The following CCDC40 variants were observed in gnomAD, a reference collection of about 807,000 sequenced individuals.
The protein encoded by CCDC40 is coiled-coil domain 40 molecular ruler complex subunit, also known as coiled-coil domain-containing protein 40.
In CCDC40, 104 loss-of-function variants were observed where a neutral mutation model predicts 124.5. That is an observed-to-expected ratio of 0.84 (90% CI 0.71 to 0.98). The LOEUF (loss-of-function observed/expected upper bound fraction) is 0.98. Among genes scored for constraint, CCDC40 ranks in the 50% least tolerant of loss-of-function variants. The pLI is 0.00. For missense variants in CCDC40, 1,463 were observed against 1,503.9 expected, an observed-to-expected ratio of 0.97 and a Z score of 0.45; for synonymous variants, 580 against 602.9, an observed-to-expected ratio of 0.96 and a Z score of 0.56.
Position 80,066,528 on chromosome 17 carries a change from C to T in CCDC40, c.1562+922C>T, listed in dbSNP as rs770073354. 9 of 208,356 alleles carry T rather than the reference C, an allele frequency of 4.3e-5. No homozygotes were observed. The South Asian group carries it at 4.9e-4, about 11-fold the overall frequency. 12.9% of individuals were successfully genotyped at this position (208,356 alleles called of 1,614,324 possible). On this transcript the variant is annotated intron_variant, in intron 10 of 19. Coordinates refer to ENST00000397545, the MANE Select transcript of CCDC40 (RefSeq NM_017950.4). This position sits in a 1 kb window ranked among gnomAD's most constrained non-coding sequence, Gnocchi z 4.4. ...ATCCCAACATTTTGGGAGGCTGAGA[C>T]GGGTGGGTCACGAGGCCAGGAGTTC...
chr17:80,069,050 T>C (rs1231807615), intron 10 of CCDC40, among the ~76,000 whole-genome samples: 1 of 152,216 alleles, frequency 6.6e-6, no homozygotes, highest in African/African-American at 2.4e-5. Flanking sequence ...CCTTGGCTGC[T>C]TTCTCCATTC....
At position 80,066,078 on chromosome 17, in the gene CCDC40, GGC is replaced by G; in HGVS notation, c.1562+473_1562+474del. On this transcript the variant is annotated intron_variant, in intron 10 of 19. Transcript: ENST00000397545. This position sits in a 1 kb window ranked among gnomAD's most constrained non-coding sequence, Gnocchi z 4.4. ...TTCTGGGGATGGATGCGTGGCTCAG[GGC>G]AGGGCGTTGGAGACACAGGTGCTGC... 1.4e-6 allele frequency: 1 copy of G among 702,950 alleles called. No homozygotes were observed. 43.5% of individuals were successfully genotyped at this position (702,950 alleles called of 1,614,324 possible).
chr17:80,044,716 A>AAAT (rs1555890577), intron 3 of CCDC40, among the ~76,000 whole-genome samples: 1 of 131,756 alleles, frequency 7.6e-6, no homozygotes, highest in Admixed American at 7.1e-5. Context: ...CAAAAAAAAA[A>AAAT]ATATATATAT....
rs1416900230 is a variant in CCDC40, at chr17:80,039,990, G to A, written c.272G>A (p.Ser91Asn). The A allele has an allele frequency of 6.2e-7, 1 of 1,614,152 alleles. No individual in the cohort carries two copies. The change falls in exon 3 of 20, where the codon AGC (serine) becomes AAC (asparagine). Residue 91 changes from serine (S) to asparagine (N), a missense_variant. Coordinates refer to ENST00000397545, the MANE Select transcript of CCDC40 (RefSeq NM_017950.4). ...GCTGTGTCCTATGGAGATGCTGAAA[G>A]CGAAGAGGAATATTACTATACAGAA... is the stretch of plus-strand genomic sequence containing the variant. ...EEAVSYGDAE[S>N]EEEYYYTETS... is the part of the protein sequence containing the mutation.
At chr17:80,039,622 G>A (rs2037220971) in intron 2 of CCDC40, among the ~76,000 whole-genome samples, 190 bp from the exon 3 acceptor site, 1 of 151,942 alleles carries the variant, frequency 6.6e-6, no homozygotes, top group Non-Finnish European at 1.5e-5. Context: ...ATGTTGGTCA[G>A]GATGGTCTCA....
At chr17:80,075,979 G>A (rs919191904) in intron 10 of CCDC40, among the ~76,000 whole-genome samples, 14 of 152,310 alleles carry the variant, frequency 9.2e-5, no homozygotes, top group African/African-American at 2.9e-4. Flanking sequence ...GTGTTCATAT[G>A]ATCAAACTTT....
chr17:80,095,594 G>A (rs1042216430), intron 18 of CCDC40, 143 bp downstream of exon 18: 3 of 759,876 alleles, frequency 3.9e-6, no homozygotes, highest in Non-Finnish European at 6.5e-6. Flanking sequence ...ACCTGCTGCT[G>A]GGTGCTGGGT....
At chr17:80,096,549 G>T (rs12945883) in intron 18 of CCDC40, among the ~76,000 whole-genome samples, 1 of 150,728 alleles carries the variant, frequency 6.6e-6, no homozygotes, top group Non-Finnish European at 1.5e-5. Context: ...GGCACCCCCT[G>T]AGTCCCCTGC....
rs753134575 is a variant in CCDC40, at chr17:80,040,043, G to T, written c.325G>T (p.Ala109Ser). 7 of 1,614,100 alleles carry T rather than the reference G, an allele frequency of 4.3e-6. No individual in the cohort carries two copies. Among genetic ancestry groups the T allele is most frequent in the Non-Finnish European group, 5.9e-6 (7 of 1,179,910 alleles). ...ETSSPEGQIS[A>S]ADTTYPYFSP... Reference sequence around the variant, plus strand: ...TTCATCCCCGGAAGGGCAAATCAGTGCTGCAGATACGACTTACCCGTATTT... The same window carrying T: ...TTCATCCCCGGAAGGGCAAATCAGTTCTGCAGATACGACTTACCCGTATTT... The change falls in exon 3 of 20, where the codon GCT (alanine) becomes TCT (serine). Residue 109 changes from alanine to serine, a missense_variant. Ala to Ser is a moderately conservative substitution (Grantham distance 99). Transcript: ENST00000397545.
Position 80,038,214 on chromosome 17 carries a change from G to A in CCDC40, c.93+28G>A, listed in dbSNP as rs201092239. The A allele has an allele frequency of 2.3e-4, 336 of 1,432,140 alleles. 3 individuals are homozygous for A. Among genetic ancestry groups the A allele is most frequent in the Admixed American group, 4.9e-4 (29 of 59,176 alleles). The allele number at this position is 1,432,140 out of a possible 1,614,324, so 88.7% of individuals were successfully genotyped here. ...AAAATTCCCTATGGGCAGTTATTCC[G>A]GGCTTATATTTACTAGGAATTAAAG... is the stretch of plus-strand genomic sequence containing the variant. On this transcript the variant is annotated intron_variant, in intron 2 of 19. Transcript: ENST00000397545.
chr17:80,073,171 T>G (rs543796871), intron 10 of CCDC40, among the ~76,000 whole-genome samples: 3 of 152,006 alleles, frequency 2.0e-5, no homozygotes, highest in Non-Finnish European at 2.9e-5. Context: ...CCCTGCTAAT[T>G]TTTTGTATTT....
intron 1 of CCDC40, among the ~76,000 whole-genome samples, chr17:80,037,468 C>T (rs2037112015): frequency 6.6e-6 from 1 of 151,612 alleles, no homozygotes; most frequent in Non-Finnish European, 1.5e-5. Context: ...AAACGATAGG[C>T]ATAAATGTAA....
chr17:80,082,384 C>G (rs1477543473), intron 12 of CCDC40, among the ~76,000 whole-genome samples: 3 of 150,880 alleles, frequency 2.0e-5, no homozygotes, highest in Non-Finnish European at 3.0e-5. Context: ...CTTGCTTTAT[C>G]CTTTATCACC....
intron 10 of CCDC40, chr17:80,067,364 G>A (rs2038072454): frequency 1.7e-6 from 1 of 594,158 alleles, no homozygotes. Flanking sequence ...AAGGCACCTG[G>A]TTTTCTGGGA....
chr17:80,088,148 A>T, intron 16 of CCDC40, 46 bp downstream of exon 16: 1 of 1,317,148 alleles, frequency 7.6e-7, no homozygotes, highest in Non-Finnish European at 1.1e-6. Flanking sequence ...AGGTCACTGC[A>T]CCTACAGGCC....
chr17:80,039,416 A>G (rs1598474549), intron 2 of CCDC40, among the ~76,000 whole-genome samples: 1 of 144,562 alleles, frequency 6.9e-6, no homozygotes, highest in East Asian at 2.0e-4. Flanking sequence ...ATGAAACATG[A>G]TTTTTTTTTT....
At chr17:80,084,664 A>C in intron 12 of CCDC40, 79 bp from the exon 13 acceptor site, 1 of 1,533,450 alleles carries the variant, frequency 6.5e-7, no homozygotes, top group Admixed American at 1.7e-5. Flanking sequence ...CCCGACCGTC[A>C]GGGAACGGTG....
intron 7 of CCDC40, among the ~76,000 whole-genome samples, chr17:80,052,346 G>C (rs544147629): frequency 6.6e-6 from 1 of 152,288 alleles, no homozygotes; most frequent in African/African-American, 2.4e-5. Context: ...ACAGGAGAAA[G>C]ATGTAGGCTG....
chr17:80,067,504 G>C, intron 10 of CCDC40: 1 of 1,215,046 alleles, frequency 8.2e-7, no homozygotes, highest in African/African-American at 1.5e-5. Context: ...CCATTTAACA[G>C]CGTGTCCCTA....
Sources: gnomAD v4.1 joint callset for allele counts (sites outside exome capture counted in the v4.1 genomes callset) on GRCh38, gnomAD v4.1.1 for gene constraint, Gnocchi (gnomAD v3.1) non-coding constraint, MANE v1.5 for transcripts, NCBI Gene and HGNC (gene_info 2026-07-23, HGNC 2026-07-21) for gene names.